CHD5: variants seen among roughly 807,000 people sequenced by gnomAD.
CHD5 encodes ATP-dependent chromatin remodeler CHD5.
CHD5 carries 69 observed loss-of-function variants against 230.3 expected under a neutral mutation model. The ratio of observed to expected loss-of-function variants is 0.30; its 90% confidence interval spans 0.25 to 0.37. The LOEUF (loss-of-function observed/expected upper bound fraction) is 0.37, where lower values mean the gene tolerates loss of function less well. CHD5 is among the 10% of genes least tolerant of loss of function. The pLI, the probability that CHD5 is intolerant of heterozygous loss-of-function variation, is 1.00. For missense variants in CHD5, 1,827 were observed against 2,622.8 expected (o/e 0.70, Z 6.63); for synonymous variants, 1,064 against 1,065.9 (o/e 1.00, Z 0.03).
At chr1:6,175,455 C>CAGGAATGG in intron 1 of CHD5, among the ~76,000 whole-genome samples, 1 of 125,804 alleles carries the variant, frequency 7.9e-6, no homozygotes. Flanking sequence ...ATGGTGGGTA[C>CAGGAATGG]AGGAATGGAT....
At chr1:6,111,710 G>A in intron 36 of CHD5, 65 bp downstream of exon 36, 1 of 1,271,806 alleles carries the variant, frequency 7.9e-7, no homozygotes. Context: ...GCTCTCAGAG[G>A]GCTCTCCCCG....
chr1:6,177,935 T>G (rs1427432820), intron 1 of CHD5, among the ~76,000 whole-genome samples: 1 of 152,148 alleles, frequency 6.6e-6, no homozygotes, highest in Non-Finnish European at 1.5e-5. Context: ...TGACTTGGGT[T>G]CACGAGGTGA....
chr1:6,122,433 A>G (rs1206618125), intron 31 of CHD5, among the ~76,000 whole-genome samples: 1 of 152,250 alleles, frequency 6.6e-6, no homozygotes, highest in Non-Finnish European at 1.5e-5. Context: ...TCAGAACCAC[A>G]GTGAGACACC....
chr1:6,106,626 G>T lies in CHD5; in HGVS notation c.5732C>A (p.Thr1911Asn). The change falls in exon 39 of 42, where the codon ACC becomes AAC. Residue 1911 changes from threonine to asparagine, a missense_variant. Transcript: ENST00000262450. ...SRLTNRAGDP[T>N]IQQGAFGSSQ... The stretch of plus-strand genomic sequence containing the variant: ...CAGGCCGAGCCTGACCTGCTGGATG[G>T]TGGGGTCCCCGGCGCGGTTGGTCAG... The T allele has an allele frequency of 6.3e-7, 1 of 1,577,426 alleles. No homozygotes were observed. Among genetic ancestry groups the T allele is most frequent in the East Asian group, 2.3e-5 (1 of 42,810 alleles).
At chr1:6,178,686 G>A (rs1011820392) in intron 1 of CHD5, among the ~76,000 whole-genome samples, 1 of 152,160 alleles carries the variant, frequency 6.6e-6, no homozygotes, top group Non-Finnish European at 1.5e-5. Context: ...CTGTCTAACA[G>A]GCGAGGTGAG....
intron 13 of CHD5, 26 bp downstream of exon 13, chr1:6,143,797 A>ACAGCAGCCCCCCCCCCCCCC: frequency 1.1e-6 from 1 of 913,840 alleles, no homozygotes; most frequent in Non-Finnish European, 1.7e-6. Flanking sequence ...AACCCCACCC[A>ACAGCAGCCCCCCCCCCCCCC]CTGCTGCCCC....
intron 6 of CHD5, among the ~76,000 whole-genome samples, chr1:6,151,897 G>C (rs1667014121): frequency 6.6e-6 from 1 of 152,208 alleles, no homozygotes; most frequent in Non-Finnish European, 1.5e-5. Context: ...GGCTGAGTAA[G>C]ACCTGGGCTT....
intron 36 of CHD5, 139 bp downstream of exon 36, chr1:6,111,636 A>G (rs1365727617): frequency 1.5e-6 from 1 of 668,718 alleles, no homozygotes; most frequent in African/African-American, 1.8e-5. Flanking sequence ...AGCAATGCCG[A>G]GGATTTCTAG....
At chr1:6,170,042 CT>C (rs1272361870) in intron 1 of CHD5, among the ~76,000 whole-genome samples, 15 of 152,098 alleles carry the variant, frequency 9.9e-5, no homozygotes, top group Admixed American at 9.2e-4. Context: ...CAGAGTGTCC[CT>C]GCTGGATCAA....
intron 11 of CHD5, among the ~76,000 whole-genome samples, chr1:6,144,904 C>T (rs1013120100): frequency 3.3e-5 from 5 of 152,230 alleles, no homozygotes; most frequent in African/African-American, 1.2e-4. Flanking sequence ...TGTTTGTTTT[C>T]CCATACATAA....
intron 2 of CHD5, among the ~76,000 whole-genome samples, chr1:6,164,354 T>A (rs1350804405): frequency 2.0e-5 from 3 of 152,238 alleles, no homozygotes; most frequent in African/African-American, 7.2e-5. Flanking sequence ...AGTTATAATT[T>A]AGCACTGAAT....
chr1:6,106,620 T>C lies in CHD5; in HGVS notation c.5738A>G (p.Gln1913Arg). 2 of 1,573,178 alleles carry C rather than the reference T, an allele frequency of 1.3e-6. No homozygotes were observed. Among genetic ancestry groups the C allele is most frequent in the Non-Finnish European group, 1.7e-6 (2 of 1,159,986 alleles). Residue 1913 changes from glutamine to arginine, a missense_variant, in exon 39 of 42, where the codon CAG becomes CGG. Physicochemically the swap from Gln to Arg is conservative, Grantham distance 43 (BLOSUM62 1). This residue lies in a region of CHD5 where 208 missense variants were observed against 302.0 expected (regional missense o/e 0.69). Transcript: ENST00000262450. ...LTNRAGDPTI[Q>R]QGAFGSSQMY... ...GGCACACAGGCCGAGCCTGACCTGC[T>C]GGATGGTGGGGTCCCCGGCGCGGTT...
In CHD5 at chr1:6,146,764, G is replaced by A. The variant is rs755953772; in HGVS notation, c.1491C>T (p.Leu497=). 2 of 1,607,226 alleles carry A rather than the reference G, an allele frequency of 1.2e-6. No individual in the cohort carries two copies. Among genetic ancestry groups the A allele is most frequent in the East Asian group, 4.5e-5 (2 of 44,748 alleles). The change falls in exon 10 of 42, where the codon CTC becomes CTT. Residue 497 remains leucine (L), a synonymous_variant. Transcript: ENST00000262450. The surrounding 1 kb of genome is among the most constrained non-coding windows in gnomAD (Gnocchi z 5.1). The part of the protein sequence containing the change: ...GLPGPDVEPS[L]PPPKPLEGIP... ...TGCCCTCCAGGGGCTTAGGTGGAGGGAGGCTGGGCTCCACGTCAGGCCCCG... is the reference window on the plus strand; with the variant it reads ...TGCCCTCCAGGGGCTTAGGTGGAGGAAGGCTGGGCTCCACGTCAGGCCCCG...
At chr1:6,139,205 C>T (rs1175774745) in intron 15 of CHD5, among the ~76,000 whole-genome samples, 2 of 150,914 alleles carry the variant, frequency 1.3e-5, no homozygotes, top group East Asian at 4.1e-4. Flanking sequence ...GTACTTAACA[C>T]TACTAAACTG....
Position 6,105,485 on chromosome 1 carries a change from G to A in CHD5, c.*47-58C>T, listed in dbSNP as rs1666147966. ...GGGCAGTTATAGGGGGCATCAGGGT[G>A]GCACCCAACAGCCTGTAGCTGCTTC... On this transcript the variant is annotated intron_variant, in intron 41 of 41. Transcript: ENST00000262450. This position sits in a 1 kb window ranked among gnomAD's most constrained non-coding sequence, Gnocchi z 4.8. 2.2e-6 allele frequency: 1 copy of A among 452,524 alleles called. No individual in the cohort carries two copies. Among genetic ancestry groups the A allele is most frequent in the African/African-American group, 2.0e-5 (1 of 49,244 alleles). 28.0% of individuals were successfully genotyped at this position (452,524 alleles called of 1,614,324 possible).
rs1571145857 is a variant in CHD5, at chr1:6,124,679, G to GC, written c.4395-19_4395-18insG. ...CATAGGCTCTGGGGTGGGGGGGGGG[G>GC]ACTGGGGCTCAGGGAGTGGGGGGCC... On this transcript the variant is annotated intron_variant, in intron 29 of 41. Transcript: ENST00000262450. The GC allele has an allele frequency of 1.8e-6, 1 of 555,984 alleles. No individual in the cohort carries two copies. The highest frequency in any genetic ancestry group is 2.0e-5 in the African/African-American group (1 of 48,844). 34.4% of individuals were successfully genotyped at this position (555,984 alleles called of 1,614,324 possible).
chr1:6,161,053 G>C (rs567225903), intron 2 of CHD5, among the ~76,000 whole-genome samples: 2 of 152,152 alleles, frequency 1.3e-5, no homozygotes, highest in African/African-American at 4.8e-5. Flanking sequence ...ATGAGATTAA[G>C]ACAGAACCGG....
At chr1:6,161,129 AGGGAGAAGGAAAGGAAAGGGT>A (rs1297810507) in intron 2 of CHD5, among the ~76,000 whole-genome samples, 4 of 151,876 alleles carry the variant, frequency 2.6e-5, no homozygotes, top group African/African-American at 9.7e-5. Flanking sequence ...AGAGGGAGGG[AGGGAGAAGGAAAGGAAAGGGT>A]GGCAGAAGGA....
Position 6,123,965 on chromosome 1 carries a change from G to T in CHD5, c.4682C>A (p.Ala1561Asp). 6.3e-7 allele frequency: 1 copy of T among 1,587,578 alleles called. No homozygotes were observed. The highest frequency in any genetic ancestry group is 8.5e-7 in the Non-Finnish European group (1 of 1,169,624). The stretch of plus-strand genomic sequence containing the variant: ...CCACAGACCTGGCAGGCCCAGCGGG[G>T]CTGGCAGGAGGTGGGCAGGGCTGGC... ...VPASPAHLLP[A>D]PLGLPDKMEA... Residue 1561 changes from alanine to aspartate, a missense_variant, in exon 31 of 42, where the codon GCC (alanine) becomes GAC (aspartate). Physicochemically the swap from Ala to Asp is moderately radical, Grantham distance 126. Around this residue, in one of 14 missense-constraint regions of CHD5, gnomAD observed 272 missense variants for 263.2 expected, o/e 1.03. Transcript: ENST00000262450.
Sources: gnomAD v4.1 joint callset for allele counts (sites outside exome capture counted in the v4.1 genomes callset) on GRCh38, gnomAD v4.1.1 for gene constraint, gnomAD v4.1.1 regional missense constraint, Gnocchi (gnomAD v3.1) non-coding constraint, MANE v1.5 for transcripts, NCBI Gene and HGNC (gene_info 2026-07-23, HGNC 2026-07-21) for gene names.